The following PARL variants were observed in gnomAD, a reference collection of about 807,000 sequenced individuals.
The protein encoded by PARL is presenilin associated rhomboid like.
PARL carries 44 observed loss-of-function variants against 51.6 expected under a neutral mutation model. The observed-to-expected ratio is 0.85, with a 90% CI of 0.67 to 1.10. The LOEUF (loss-of-function observed/expected upper bound fraction) is 1.10. PARL is among the 50% of genes least tolerant of loss of function. The pLI, the probability that PARL is intolerant of heterozygous loss-of-function variation, is 0.00. For missense variants in PARL, 441 were observed against 469.5 expected, an observed-to-expected ratio of 0.94 and a Z score of 0.56; for synonymous variants, 172 against 164.0, an observed-to-expected ratio of 1.05 and a Z score of -0.37.
At chr3:183,829,811 C>T in intron 9 of PARL, 102 bp from the exon 10 acceptor site, 1 of 912,944 alleles carries the variant, frequency 1.1e-6, no homozygotes, top group Non-Finnish European at 1.8e-6. Context: ...AATCGAATGC[C>T]ACTCACTATG....
chr3:183,843,291 T>C (rs1189873796), intron 5 of PARL: 11 of 985,232 alleles, frequency 1.1e-5, no homozygotes, highest in African/African-American at 1.7e-5. Context: ...CTTGTCCTTA[T>C]GGCAAAAGTT....
Position 183,866,643 on chromosome 3 carries a change from TTC to T in PARL, c.442_443del (p.Glu148ArgfsTer8). 3 of 1,611,846 alleles carry T rather than the reference TTC, an allele frequency of 1.9e-6. No homozygotes were observed. The highest frequency in any genetic ancestry group is 2.5e-6 in the Non-Finnish European group (3 of 1,179,508). ...TCTTTACCTCCTTTCTGAAGTCTCC[TTC>T]TTTTTGTGGTCTTATGCTATCCAAC... is the stretch of plus-strand genomic sequence containing the variant. ...DWLDSIRPQK[E>X]GDFRKEINKW... On this transcript the variant is annotated frameshift_variant, in exon 3 of 10. Transcript: ENST00000317096. LOFTEE classifies it high-confidence loss of function.
chr3:183,865,223 G>C (rs1732327367), intron 3 of PARL, among the ~76,000 whole-genome samples: 1 of 152,084 alleles, frequency 6.6e-6, no homozygotes, highest in Non-Finnish European at 1.5e-5. Flanking sequence ...CGGGAGGACT[G>C]CTCAAACCCA....
At chr3:183,831,995 A>T (rs777930660) in intron 9 of PARL, among the ~76,000 whole-genome samples, 1 of 152,182 alleles carries the variant, frequency 6.6e-6, no homozygotes, top group Non-Finnish European at 1.5e-5. Context: ...AAGAGCCTTG[A>T]AGTATACATG....
intron 4 of PARL, among the ~76,000 whole-genome samples, chr3:183,852,356 G>A (rs1222473233): frequency 2.0e-5 from 3 of 151,822 alleles, no homozygotes; most frequent in Non-Finnish European, 2.9e-5. Context: ...CAATATCGAC[G>A]AACCATTAAA....
At chr3:183,881,833 A>T (rs1241880841) in intron 1 of PARL, among the ~76,000 whole-genome samples, 7 of 152,156 alleles carry the variant, frequency 4.6e-5, no homozygotes, top group Non-Finnish European at 2.9e-5. Context: ...TCTTGACCCC[A>T]TCGTGAGTTA....
At position 183,840,593 on chromosome 3, in the gene PARL, T is replaced by C; in HGVS notation, c.805A>G (p.Arg269Gly). Residue 269 changes from arginine to glycine, a missense_variant, in exon 7 of 10, where the codon AGA (arginine) becomes GGA (glycine). Coordinates refer to ENST00000317096, the MANE Select transcript of PARL (RefSeq NM_018622.7). ...ACTGCACCAAGTGATGGTCCATATC[T>C]TCCTGTGGCAACTTTACCCACGTAA... is the stretch of plus-strand genomic sequence containing the variant. ...VSYVGKVATG[R>G]YGPSLGASGA... 1 of 1,552,172 alleles carries C rather than the reference T, an allele frequency of 6.4e-7. No homozygotes were observed. Among genetic ancestry groups the C allele is most frequent in the Non-Finnish European group, 8.9e-7 (1 of 1,129,858 alleles).
chr3:183,877,320 C>G (rs1185322858), intron 1 of PARL, among the ~76,000 whole-genome samples: 1 of 152,200 alleles, frequency 6.6e-6, no homozygotes, highest in South Asian at 2.1e-4. Flanking sequence ...GAAGTTGTTT[C>G]TTATGGATGA....
chr3:183,882,262 T>C (rs865946096), intron 1 of PARL, among the ~76,000 whole-genome samples: 1 of 34,198 alleles, frequency 2.9e-5, no homozygotes, highest in African/African-American at 1.1e-4. Flanking sequence ...TATATATATA[T>C]ATATATTTAT....
intron 4 of PARL, among the ~76,000 whole-genome samples, chr3:183,859,369 A>C (rs922354934): frequency 1.3e-5 from 2 of 152,002 alleles, no homozygotes; most frequent in Non-Finnish European, 2.9e-5. Flanking sequence ...ACAGAGTCTC[A>C]CTCTACTGCC....
intron 1 of PARL, among the ~76,000 whole-genome samples, chr3:183,880,186 T>C (rs1229277191): frequency 2.6e-5 from 4 of 152,112 alleles, no homozygotes; most frequent in South Asian, 2.1e-4. Flanking sequence ...CCTGAATAAG[T>C]TGGAAAACAA....
At chr3:183,832,679 G>A (rs538590860) in intron 9 of PARL, among the ~76,000 whole-genome samples, 1 of 152,176 alleles carries the variant, frequency 6.6e-6, no homozygotes, top group East Asian at 1.9e-4. Flanking sequence ...TCAGATGGAC[G>A]CCAAGAGTCC....
chr3:183,848,487 C>T (rs574887838), intron 4 of PARL, among the ~76,000 whole-genome samples: 17 of 152,280 alleles, frequency 1.1e-4, no homozygotes, highest in Non-Finnish European at 1.6e-4. Flanking sequence ...GTGATCTGCC[C>T]GCGTCGGCCT....
chr3:183,884,841 C>T lies in PARL; in HGVS notation c.6G>A (p.Ala2=), dbSNP rs778840146. 6.3e-7 allele frequency: 1 copy of T among 1,597,436 alleles called. No individual in the cohort carries two copies. Among genetic ancestry groups the T allele is most frequent in the Non-Finnish European group, 8.5e-7 (1 of 1,179,446 alleles). The change falls in exon 1 of 10, where the codon GCG becomes GCA. Residue 2 remains alanine (A), a synonymous_variant. Coordinates refer to ENST00000317096, the MANE Select transcript of PARL (RefSeq NM_018622.7). M[A]WRGWAQRGWG... ...AGCCTCTCTGCGCCCAGCCTCGCCA[C>T]GCCATCTTCCCAACCTCTGCCCCAC... is the stretch of plus-strand genomic sequence containing the variant.
At chr3:183,842,572 G>A (rs1729453731) in intron 5 of PARL, 125 bp from the exon 6 acceptor site, 1 of 798,958 alleles carries the variant, frequency 1.3e-6, no homozygotes, top group African/African-American at 1.7e-5. Context: ...CACTTTGGGA[G>A]GCCAAGGCAG....
intron 1 of PARL, among the ~76,000 whole-genome samples, chr3:183,882,019 A>T (rs1271121936): frequency 6.6e-6 from 1 of 151,268 alleles, no homozygotes. Flanking sequence ...TGGCCAACAC[A>T]GCAAAACCCC....
intron 4 of PARL, among the ~76,000 whole-genome samples, chr3:183,859,129 C>T (rs1287686333): frequency 6.6e-6 from 1 of 151,992 alleles, no homozygotes; most frequent in African/African-American, 2.4e-5. Context: ...CGCGGTGAAA[C>T]CCCGTCTCTA....
intron 4 of PARL, among the ~76,000 whole-genome samples, chr3:183,860,789 C>A (rs1348620548): frequency 6.6e-6 from 1 of 151,406 alleles, no homozygotes; most frequent in African/African-American, 2.4e-5. Context: ...AACCTTGCCA[C>A]CCTAAAGAAA....
intron 4 of PARL, among the ~76,000 whole-genome samples, chr3:183,846,102 C>A (rs1177419470): frequency 6.6e-6 from 1 of 152,004 alleles, no homozygotes; most frequent in African/African-American, 2.4e-5. Context: ...CACAGCACAC[C>A]CAGCTTCTGG....
Sources: gnomAD v4.1 joint callset for allele counts (sites outside exome capture counted in the v4.1 genomes callset) on GRCh38, gnomAD v4.1.1 for gene constraint, MANE v1.5 for transcripts, NCBI Gene and HGNC (gene_info 2026-07-23, HGNC 2026-07-21) for gene names.